Variants in GRHL2 observed in about 807,000 individuals in gnomAD.
The protein encoded by GRHL2 is grainyhead-like protein 2 homolog.
GRHL2 carries 21 observed loss-of-function variants against 83.8 expected under a neutral mutation model. That is an observed-to-expected ratio of 0.25 (90% CI 0.18 to 0.36). GRHL2 has a LOEUF of 0.36. Ranked by LOEUF, GRHL2 falls within the 10% of genes least tolerant of loss-of-function variation. The pLI is 1.00. For synonymous variants in GRHL2, 280 were observed against 278.9 expected, an observed-to-expected ratio of 1.00 and a Z score of -0.04; for missense variants, 623 against 781.8, an observed-to-expected ratio of 0.80 and a Z score of 2.42.
At chr8:101,649,750 A>G (rs888791327) in intron 14 of GRHL2, among the ~76,000 whole-genome samples, 39 of 152,232 alleles carry the variant, frequency 2.6e-4, no homozygotes, top group Non-Finnish European at 5.3e-4. Context: ...CTATGGAGGA[A>G]GGTGAAACTG....
chr8:101,634,218 G>A (rs892064129), intron 11 of GRHL2, among the ~76,000 whole-genome samples: 3 of 152,162 alleles, frequency 2.0e-5, no homozygotes, highest in African/African-American at 4.8e-5. Context: ...CCTTGGATTT[G>A]GAGATGAGGG....
intron 7 of GRHL2, among the ~76,000 whole-genome samples, chr8:101,582,700 C>T (rs1812081333): frequency 6.6e-6 from 1 of 152,126 alleles, no homozygotes; most frequent in South Asian, 2.1e-4. Flanking sequence ...TATTTGAGTT[C>T]CTCTGCGACC....
chr8:101,524,842 G>T (rs1434347336), intron 1 of GRHL2, among the ~76,000 whole-genome samples: 1 of 151,866 alleles, frequency 6.6e-6, no homozygotes, highest in Non-Finnish European at 1.5e-5. Flanking sequence ...TGAAGGTAGG[G>T]TTAACCCATT....
chr8:101,652,792 G>A (rs964344061), intron 14 of GRHL2, among the ~76,000 whole-genome samples: 1 of 152,072 alleles, frequency 6.6e-6, no homozygotes, highest in Non-Finnish European at 1.5e-5. Flanking sequence ...GGATTGTTGT[G>A]AGACAACAAC....
intron 2 of GRHL2, among the ~76,000 whole-genome samples, chr8:101,549,700 T>A (rs139539277): frequency 1.3e-5 from 2 of 152,262 alleles, no homozygotes; most frequent in Non-Finnish European, 2.9e-5. Context: ...TGAGGCCACA[T>A]CTCCCCCAAC....
In GRHL2 at chr8:101,557,944, A is replaced by C. The variant is rs549265183; in HGVS notation, c.285-475A>C. On this transcript the variant is annotated intron_variant, in intron 3 of 15. Transcript: ENST00000646743. ...CAATGGCGCCATCTCGACTCACCAC[A>C]ACCTCTGCCTCCCGGGTTCAAGTGA... Among the ~76,000 whole-genome samples the C allele has an allele frequency of 3.3e-5, 5 of 152,198 alleles. No homozygotes were observed. The South Asian group carries it at 6.2e-4, about 19-fold the overall frequency.
intron 11 of GRHL2, among the ~76,000 whole-genome samples, chr8:101,636,601 A>C (rs995817768): frequency 5.3e-5 from 8 of 152,206 alleles, no homozygotes; most frequent in Non-Finnish European, 8.8e-5. Context: ...GCTTAATGCC[A>C]TAGTTAATCT....
intron 7 of GRHL2, among the ~76,000 whole-genome samples, chr8:101,598,491 C>T (rs972223327): frequency 7.2e-5 from 11 of 151,768 alleles, no homozygotes; most frequent in East Asian, 1.9e-4. Context: ...CCTCCTACCT[C>T]GGCCTCCCAA....
chr8:101,644,097 G>T, intron 12 of GRHL2, 34 bp from the exon 13 acceptor site: 1 of 1,585,878 alleles, frequency 6.3e-7, no homozygotes, highest in Non-Finnish European at 8.7e-7. Context: ...CACCTTGCTG[G>T]TTTTACTTAA....
intron 9 of GRHL2, among the ~76,000 whole-genome samples, chr8:101,624,946 C>T (rs1439167961): frequency 6.6e-6 from 1 of 152,012 alleles, no homozygotes; most frequent in African/African-American, 2.4e-5. Context: ...GACAACTGGC[C>T]ATTCAAAACC....
chr8:101,674,985 A>T, the GRHL2 span, among the ~76,000 whole-genome samples: 1 of 152,166 alleles, frequency 6.6e-6, no homozygotes, highest in Non-Finnish European at 1.5e-5. Flanking sequence ...AGATGCAGAA[A>T]AGGCCTTTGA....
chr8:101,679,724 C>A, the GRHL2 span, among the ~76,000 whole-genome samples: 524 of 151,350 alleles, frequency 3.5e-3, 16 homozygotes, highest in African/African-American at 0.012. Flanking sequence ...AACAGCTGAT[C>A]TCTCGGCAGA....
downstream of GRHL2, among the ~76,000 whole-genome samples, chr8:101,669,976 C>T (rs1415553372): frequency 1.3e-5 from 2 of 152,194 alleles, no homozygotes; most frequent in Non-Finnish European, 2.9e-5. Flanking sequence ...TTATTCTTGG[C>T]CAGTCCCTTT....
At chr8:101,677,164 T>C in the GRHL2 span, among the ~76,000 whole-genome samples, 2 of 151,888 alleles carry the variant, frequency 1.3e-5, no homozygotes, top group Admixed American at 6.6e-5. Context: ...TATACATATG[T>C]AACAAACTTG....
chr8:101,625,184 AAATAAAG>A (rs1813057360), intron 9 of GRHL2, among the ~76,000 whole-genome samples: 1 of 152,216 alleles, frequency 6.6e-6, no homozygotes, highest in East Asian at 1.9e-4. Flanking sequence ...CCCTTCTTGG[AAATAAAG>A]AATAAAGTTA....
chr8:101,631,915 T>G (rs1813192927), intron 10 of GRHL2, among the ~76,000 whole-genome samples, 191 bp downstream of exon 10: 1 of 152,062 alleles, frequency 6.6e-6, no homozygotes, highest in African/African-American at 2.4e-5. Flanking sequence ...ATGAGCACAG[T>G]GTGTTTGAGC....
At position 101,657,165 on chromosome 8, in the gene GRHL2, C is replaced by T. The variant is rs112055503; in HGVS notation, c.1699-7289C>T. Among the ~76,000 whole-genome samples, 662 of 152,252 alleles carry T rather than the reference C, an allele frequency of 4.3e-3. 5 individuals carry two copies. The highest frequency in any genetic ancestry group is 0.015 in the African/African-American group (636 of 41,546). ...TAGGCAGCATTTACAAGCAAGAGTCCACTGCTTTTTTGATGTATATCTTAA... is the reference window on the plus strand; with the variant it reads ...TAGGCAGCATTTACAAGCAAGAGTCTACTGCTTTTTTGATGTATATCTTAA... On this transcript the variant is annotated intron_variant, in intron 14 of 15. Coordinates refer to ENST00000646743, the MANE Select transcript of GRHL2 (RefSeq NM_024915.4).
intron 7 of GRHL2, among the ~76,000 whole-genome samples, chr8:101,590,815 T>C (rs1384167896): frequency 6.6e-6 from 1 of 152,186 alleles, no homozygotes; most frequent in Non-Finnish European, 1.5e-5. Flanking sequence ...GAGTCGGCAT[T>C]TGTGCCCAGA....
chr8:101,518,297 A>G (rs1256765432), intron 1 of GRHL2, among the ~76,000 whole-genome samples: 2 of 152,210 alleles, frequency 1.3e-5, no homozygotes, highest in African/African-American at 2.4e-5. Flanking sequence ...CTGTAATCCC[A>G]GCTACTTGGG....
Sources: gnomAD v4.1 joint callset for allele counts (sites outside exome capture counted in the v4.1 genomes callset) on GRCh38, gnomAD v4.1.1 for gene constraint, MANE v1.5 for transcripts, NCBI Gene and HGNC (gene_info 2026-07-23, HGNC 2026-07-21) for gene names.